PTAR1: variants seen among roughly 807,000 people sequenced by gnomAD.
The protein encoded by PTAR1 is protein prenyltransferase alpha subunit repeat containing 1.
A neutral mutation model predicts 45.5 loss-of-function variants in PTAR1; 17 were observed. The ratio of observed to expected loss-of-function variants is 0.37; its 90% CI spans 0.26 to 0.56. The LOEUF is 0.56. Among genes scored for constraint, PTAR1 ranks in the 20% least tolerant of loss-of-function variants. PTAR1 has a pLI of 0.77. For synonymous variants in PTAR1, 169 were observed against 171.3 expected (o/e 0.99, Z 0.11); for missense variants, 391 against 476.3 (o/e 0.82, Z 1.67).
rs776142255 is a variant in PTAR1 at position 69,737,236 on chromosome 9, C to G, written c.324-2982G>C. 1.1e-4 allele frequency among the ~76,000 whole-genome samples: 16 copies of G among 151,964 alleles called. 1 individual carries two copies. The highest frequency in any genetic ancestry group is 3.9e-4 in the African/African-American group (16 of 41,362). On this transcript the variant is annotated intron_variant, in intron 3 of 7. Transcript: ENST00000340434. ...CTGGGACCACAGGCACACACAACCA[C>G]GTCTAGCTAATTTTTTGTATTTTTG...
chr9:69,740,351 C>T (rs560557148), intron 3 of PTAR1, among the ~76,000 whole-genome samples: 45 of 152,000 alleles, frequency 3.0e-4, no homozygotes, highest in African/African-American at 1.1e-3. Flanking sequence ...TTCTCCTATG[C>T]TCAACGGGCT....
rs1825113209 is a variant in PTAR1, at chr9:69,723,261, C to T, written c.947+65G>A. The T allele has an allele frequency of 3.6e-6, 5 of 1,376,624 alleles. No individual in the cohort carries two copies. The African/African-American group carries it at 5.7e-5, about 16-fold the overall frequency. 85.3% of individuals were successfully genotyped at this position (1,376,624 alleles called of 1,614,324 possible). ...GCAGGCAGGAATCAGGTGTAACTAA[C>T]ACTTTCTGCAGCTCTCATGAAGACA... On this transcript the variant is annotated intron_variant, in intron 6 of 7. Transcript: ENST00000340434.
intron 1 of PTAR1, among the ~76,000 whole-genome samples, chr9:69,754,707 AATATAT>A (rs1311994979): frequency 1.6e-5 from 1 of 61,956 alleles, no homozygotes; most frequent in East Asian, 3.7e-4. Flanking sequence ...ATGCCCAGCT[AATATAT>A]ATATATATAT....
In PTAR1 at chr9:69,732,255, G is replaced by A; in HGVS notation, c.526C>T (p.Leu176Phe). 1 of 1,613,808 alleles carries A rather than the reference G, an allele frequency of 6.2e-7. No homozygotes were observed. Among genetic ancestry groups the A allele is most frequent in the Non-Finnish European group, 8.5e-7 (1 of 1,179,760 alleles). Residue 176 changes from leucine to phenylalanine, a missense_variant, in exon 5 of 8, where the codon CTC becomes TTC. Leu to Phe is a conservative substitution (Grantham distance 22, BLOSUM62 0). Transcript: ENST00000340434. Reference sequence around the variant, plus strand: ...CAGACCTCCATCTCTTCTTGTATGAGTCGCTGTGCCCTTTCTGTGGGAATT... The same window carrying A: ...CAGACCTCCATCTCTTCTTGTATGAATCGCTGTGCCCTTTCTGTGGGAATT... ...GTIPTERAQR[L>F]IQEEMEVCGE...
At position 69,709,722 on chromosome 9, in the gene PTAR1, T is replaced by C. The variant is rs910629534; in HGVS notation, c.*8620A>G. The C allele has an allele frequency of 2.6e-5, 4 of 152,120 alleles. No homozygotes were observed. The highest frequency in any genetic ancestry group is 4.1e-4 in the South Asian group (2 of 4,832). 9.4% of individuals were successfully genotyped at this position (152,120 alleles called of 1,614,324 possible). On this transcript the variant is annotated 3_prime_UTR_variant, in exon 8 of 8. Coordinates refer to ENST00000340434, the MANE Select transcript of PTAR1 (RefSeq NM_001099666.2). The stretch of plus-strand genomic sequence containing the variant: ...TCACAGTGTAATAAGTGCCAGTAAG[T>C]CCTGGAAGACAGTTGCAGAGGAAGA...
Position 69,716,736 on chromosome 9 carries a change from T to C in PTAR1, c.*1606A>G, listed in dbSNP as rs1342537600. ...CACTATTACTCACATTCTGCACAGA[T>C]AGGACAACTGACAGCTTCCATCATT... On this transcript the variant is annotated 3_prime_UTR_variant, in exon 8 of 8. Transcript: ENST00000340434. 6.6e-6 allele frequency: 1 copy of C among 152,130 alleles called. No homozygotes were observed. Among genetic ancestry groups the C allele is most frequent in the African/African-American group, 2.4e-5 (1 of 41,432 alleles). 9.4% of individuals were successfully genotyped at this position (152,130 alleles called of 1,614,324 possible).
chr9:69,730,639 G>A (rs1465614911), intron 5 of PTAR1, among the ~76,000 whole-genome samples: 1 of 148,508 alleles, frequency 6.7e-6, no homozygotes, highest in Non-Finnish European at 1.5e-5. Context: ...CCTAGATGAA[G>A]AACGATTTTT....
chr9:69,721,510 T>A (rs1825007349), intron 6 of PTAR1, among the ~76,000 whole-genome samples: 1 of 152,192 alleles, frequency 6.6e-6, no homozygotes, highest in Non-Finnish European at 1.5e-5. Context: ...ACTTAGTTGA[T>A]AAAGCAGCAG....
At chr9:69,732,113 T>G (rs781699585) in intron 5 of PTAR1, 26 bp downstream of exon 5, 7 of 1,548,824 alleles carry the variant, frequency 4.5e-6, no homozygotes, top group Non-Finnish European at 6.2e-6. Context: ...ACAGGCAGTC[T>G]GCCCAGGAGA....
At chr9:69,754,805 G>A (rs903938142) in intron 1 of PTAR1, among the ~76,000 whole-genome samples, 1 of 150,946 alleles carries the variant, frequency 6.6e-6, no homozygotes, top group Admixed American at 6.6e-5. Flanking sequence ...TCCTCCCACT[G>A]AGCCTCCCAA....
intron 1 of PTAR1, chr9:69,758,705 C>A: frequency 2.4e-6 from 1 of 409,528 alleles, no homozygotes; most frequent in Non-Finnish European, 5.1e-6. Context: ...CAATCATCAC[C>A]TTGGAGGAAA....
chr9:69,751,982 C>T (rs994065151), intron 1 of PTAR1, among the ~76,000 whole-genome samples: 1 of 152,108 alleles, frequency 6.6e-6, no homozygotes, highest in African/African-American at 2.4e-5. Flanking sequence ...ACATGCCTTT[C>T]AACTCTAAAG....
At chr9:69,746,943 G>A (rs902441940) in intron 2 of PTAR1, among the ~76,000 whole-genome samples, 1 of 152,168 alleles carries the variant, frequency 6.6e-6, no homozygotes, top group Non-Finnish European at 1.5e-5. Flanking sequence ...ACTTAAATCA[G>A]TAATTCTTTT....
intron 2 of PTAR1, among the ~76,000 whole-genome samples, 177 bp from the exon 3 acceptor site, chr9:69,742,035 C>T (rs1826065338): frequency 6.6e-6 from 1 of 152,076 alleles, no homozygotes; most frequent in Non-Finnish European, 1.5e-5. Context: ...AGATTACTCT[C>T]AAGACCCTCT....
At chr9:69,740,286 T>C (rs915491359) in intron 3 of PTAR1, among the ~76,000 whole-genome samples, 2 of 151,870 alleles carry the variant, frequency 1.3e-5, no homozygotes, top group Admixed American at 6.6e-5. Flanking sequence ...TTCCTCTCTA[T>C]TGGTGAGGAT....
intron 2 of PTAR1, among the ~76,000 whole-genome samples, chr9:69,746,522 C>T (rs1419562265): frequency 6.6e-6 from 1 of 152,154 alleles, no homozygotes; most frequent in African/African-American, 2.4e-5. Flanking sequence ...CTCTCAATTT[C>T]ATCAACAATA....
At chr9:69,719,258 G>A (rs1223880746) in intron 6 of PTAR1, among the ~76,000 whole-genome samples, 1 of 152,116 alleles carries the variant, frequency 6.6e-6, no homozygotes, top group East Asian at 1.9e-4. Flanking sequence ...ATGCATTGGG[G>A]ATGTGCTGGG....
rs1824806551 is a variant in PTAR1 at position 69,718,151 on chromosome 9, T to C, written c.*191A>G. 2 of 515,656 alleles carry C rather than the reference T, an allele frequency of 3.9e-6. No individual in the cohort carries two copies. Among genetic ancestry groups the C allele is most frequent in the Admixed American group, 3.4e-5 (1 of 29,604 alleles). The allele number at this position is 515,656 out of a possible 1,614,324, so 31.9% of individuals were successfully genotyped here. A position where few individuals can be genotyped will look rare whatever the true frequency, so the allele number is the denominator to read the frequency against. On this transcript the variant is annotated 3_prime_UTR_variant, in exon 8 of 8. Coordinates refer to ENST00000340434, the MANE Select transcript of PTAR1 (RefSeq NM_001099666.2). Reference sequence around the variant, plus strand: ...GTTCAGCAGGAAGGAACTATACGATTATTTTATCCCCACAGGAATGCCAGT... The same window carrying C: ...GTTCAGCAGGAAGGAACTATACGATCATTTTATCCCCACAGGAATGCCAGT...
intron 4 of PTAR1, 53 bp from the exon 5 acceptor site, chr9:69,732,405 G>A: frequency 2.4e-6 from 3 of 1,273,872 alleles, no homozygotes; most frequent in Admixed American, 1.8e-5. Flanking sequence ...AAACCAGAGA[G>A]AAAAATAACC....
Sources: gnomAD v4.1 joint callset for allele counts (sites outside exome capture counted in the v4.1 genomes callset) on GRCh38, gnomAD v4.1.1 for gene constraint, MANE v1.5 for transcripts, NCBI Gene and HGNC (gene_info 2026-07-23, HGNC 2026-07-21) for gene names.